Variants in BNC2 observed in about 807,000 individuals in gnomAD.
BNC2 encodes the protein zinc finger protein basonuclin-2.
In BNC2, 20 loss-of-function variants were observed where a neutral mutation model predicts 76.3. The observed-to-expected ratio is 0.26, with a 90% CI of 0.18 to 0.38. The LOEUF is 0.38. BNC2 is among the 10% of genes least tolerant of loss of function. The pLI is 1.00. For missense variants in BNC2, 1,382 were observed against 1,399.8 expected, an observed-to-expected ratio of 0.99 and a Z score of 0.20; for synonymous variants, 582 against 514.8, an observed-to-expected ratio of 1.13 and a Z score of -1.77.
At chr9:16,612,361 C>T (rs1820572789) in intron 3 of BNC2, among the ~76,000 whole-genome samples, 1 of 152,164 alleles carries the variant, frequency 6.6e-6, no homozygotes, top group East Asian at 1.9e-4. Context: ...AACAGTCTCA[C>T]ACACCCACCC....
intron 5 of BNC2, among the ~76,000 whole-genome samples, chr9:16,526,820 A>T (rs1817819078): frequency 6.6e-6 from 1 of 152,346 alleles, no homozygotes; most frequent in Admixed American, 6.5e-5. Flanking sequence ...ATAGCAAACA[A>T]CACTATGTAC....
chr9:16,710,603 G>T (rs1823809451), intron 3 of BNC2, among the ~76,000 whole-genome samples: 1 of 152,098 alleles, frequency 6.6e-6, no homozygotes, highest in Admixed American at 6.5e-5. Context: ...CTTTTCAAGG[G>T]TCTCTATTTA....
chr9:16,614,291 C>A (rs943384267), intron 3 of BNC2, among the ~76,000 whole-genome samples: 6 of 63,950 alleles, frequency 9.4e-5, no homozygotes, highest in Non-Finnish European at 1.2e-4. Context: ...GTCATAAAGA[C>A]CTTATTAGCA....
chr9:16,458,637 T>C (rs1303870652), intron 5 of BNC2, among the ~76,000 whole-genome samples: 2 of 152,196 alleles, frequency 1.3e-5, no homozygotes, highest in Non-Finnish European at 2.9e-5. Context: ...CAAAAAACAT[T>C]TCCTACAGCC....
chr9:16,836,717 T>C (rs554651620), intron 1 of BNC2, among the ~76,000 whole-genome samples: 1 of 152,226 alleles, frequency 6.6e-6, no homozygotes, highest in South Asian at 2.1e-4. Flanking sequence ...CTACAAAGAC[T>C]GGGACTAACA....
chr9:16,737,242 T>G (rs1180289171), intron 2 of BNC2, among the ~76,000 whole-genome samples: 1 of 57,220 alleles, frequency 1.7e-5, no homozygotes, highest in African/African-American at 2.4e-4. Context: ...CCTGGCCTTT[T>G]TTTTTTTTTT....
intron 4 of BNC2, among the ~76,000 whole-genome samples, chr9:16,556,060 G>A (rs1234042092): frequency 6.6e-6 from 1 of 152,094 alleles, no homozygotes; most frequent in Non-Finnish European, 1.5e-5. Flanking sequence ...AGCGCTGTGG[G>A]AGGCCAAGGC....
chr9:16,718,688 G>A (rs530967763), intron 3 of BNC2, among the ~76,000 whole-genome samples: 2 of 152,236 alleles, frequency 1.3e-5, no homozygotes, highest in East Asian at 1.9e-4. Flanking sequence ...CTATAGTCAA[G>A]AAAGGAAAAA....
chr9:16,468,040 CTTTTTTT>C (rs748053541), intron 5 of BNC2, among the ~76,000 whole-genome samples: 1 of 129,552 alleles, frequency 7.7e-6, no homozygotes, highest in Non-Finnish European at 1.6e-5. Context: ...CTTTCTTTCT[CTTTTTTT>C]TTTTTTTTTT....
At chr9:16,428,516 T>C (rs1299350880) in intron 6 of BNC2, among the ~76,000 whole-genome samples, 2 of 152,244 alleles carry the variant, frequency 1.3e-5, no homozygotes, top group African/African-American at 4.8e-5. Flanking sequence ...TTTATGTGGA[T>C]GTTTATGTGT....
intron 5 of BNC2, among the ~76,000 whole-genome samples, chr9:16,446,562 T>C (rs1423344690): frequency 6.6e-6 from 1 of 152,130 alleles, no homozygotes; most frequent in Non-Finnish European, 1.5e-5. Flanking sequence ...TCTCCAAAAA[T>C]GATCACCTCT....
chr9:16,665,130 A>T (rs1201518516), intron 3 of BNC2: 2 of 453,068 alleles, frequency 4.4e-6, no homozygotes, highest in Non-Finnish European at 8.9e-6. Context: ...GCACTTTGGA[A>T]GTCCAAGACG....
chr9:16,494,084 T>C (rs1246976350), intron 5 of BNC2, among the ~76,000 whole-genome samples: 1 of 152,166 alleles, frequency 6.6e-6, no homozygotes. Context: ...CCTACCCTGG[T>C]GGAGCTTAAA....
intron 5 of BNC2, among the ~76,000 whole-genome samples, chr9:16,480,054 C>T (rs1776758236): frequency 6.6e-6 from 1 of 152,206 alleles, no homozygotes; most frequent in African/African-American, 2.4e-5. Context: ...TCATTCAACA[C>T]ATGTAACAAC....
At chr9:16,499,100 C>T (rs919700371) in intron 5 of BNC2, among the ~76,000 whole-genome samples, 4 of 152,144 alleles carry the variant, frequency 2.6e-5, no homozygotes, top group East Asian at 1.9e-4. Context: ...AAAATATGGA[C>T]GCTAATGATT....
intron 1 of BNC2, among the ~76,000 whole-genome samples, chr9:16,780,240 A>AAAC (rs1826102184): frequency 7.5e-6 from 1 of 132,584 alleles, no homozygotes; most frequent in African/African-American, 3.0e-5. Flanking sequence ...CGTTTCAAAA[A>AAAC]AAAAAAAAAA....
intron 3 of BNC2, chr9:16,685,622 A>G: frequency 7.7e-7 from 1 of 1,304,278 alleles, no homozygotes; most frequent in Non-Finnish European, 1.0e-6. Context: ...GTACATGCCA[A>G]TGGAACCTGA....
At chr9:16,606,857 C>T (rs1169288000) in intron 3 of BNC2, among the ~76,000 whole-genome samples, 3 of 152,176 alleles carry the variant, frequency 2.0e-5, no homozygotes, top group Admixed American at 6.5e-5. Context: ...CACGCCTGGC[C>T]GGCGATCTGA....
chr9:16,710,391 C>A (rs954293162), intron 3 of BNC2, among the ~76,000 whole-genome samples: 1 of 152,194 alleles, frequency 6.6e-6, no homozygotes, highest in African/African-American at 2.4e-5. Context: ...ATTACAGTGG[C>A]ATTGAGCCAA....
Sources: gnomAD v4.1 joint callset for allele counts (sites outside exome capture counted in the v4.1 genomes callset) on GRCh38, gnomAD v4.1.1 for gene constraint, MANE v1.5 for transcripts, NCBI Gene and HGNC (gene_info 2026-07-23, HGNC 2026-07-21) for gene names.